The following CDK6 variants were observed in gnomAD, a reference collection of about 807,000 sequenced individuals.
The protein encoded by CDK6 is cyclin dependent kinase 6, also known as cyclin-dependent kinase 6.
CDK6 carries 6 observed loss-of-function variants against 37.1 expected under a neutral mutation model. That is an observed-to-expected ratio of 0.16 (90% CI 0.09 to 0.32). CDK6 has a LOEUF of 0.32. Ranked by LOEUF, CDK6 falls within the 10% of genes least tolerant of loss-of-function variation. The pLI, the probability that CDK6 is intolerant of heterozygous loss-of-function variation, is 1.00. For missense variants in CDK6, 224 were observed against 418.9 expected (o/e 0.53, Z 4.06); for synonymous variants, 160 against 161.3 (o/e 0.99, Z 0.06).
chr7:92,669,807 C>T (rs1296842030), intron 5 of CDK6, among the ~76,000 whole-genome samples: 1 of 152,246 alleles, frequency 6.6e-6, no homozygotes, highest in Non-Finnish European at 1.5e-5. Flanking sequence ...CCTGGTCATA[C>T]TGTCATCCAA....
intron 5 of CDK6, among the ~76,000 whole-genome samples, chr7:92,651,109 C>T (rs1251335239): frequency 2.6e-5 from 4 of 152,232 alleles, no homozygotes; most frequent in Admixed American, 1.3e-4. Flanking sequence ...AGGCTGGTCT[C>T]GATCTCCTGA....
chr7:92,672,160 T>TATATATAC (rs1210519115), intron 4 of CDK6, among the ~76,000 whole-genome samples: 1,782 of 78,994 alleles, frequency 0.023, 115 homozygotes, highest in East Asian at 0.15. Flanking sequence ...TATATATATA[T>TATATATAC]ACACATACAC....
chr7:92,715,428 T>C (rs1189475223), intron 4 of CDK6, among the ~76,000 whole-genome samples: 4 of 152,170 alleles, frequency 2.6e-5, no homozygotes, highest in African/African-American at 7.2e-5. Context: ...CTTTTCTCTT[T>C]TGGATGTTTC....
chr7:92,808,582 C>T (rs181951199), intron 2 of CDK6, among the ~76,000 whole-genome samples: 5 of 152,306 alleles, frequency 3.3e-5, no homozygotes, highest in Admixed American at 3.3e-4. Context: ...TATCTTCTTG[C>T]ATTATTTGCT....
At chr7:92,825,079 T>C (rs769415401) in intron 2 of CDK6, among the ~76,000 whole-genome samples, 8 of 152,110 alleles carry the variant, frequency 5.3e-5, no homozygotes, top group Non-Finnish European at 1.0e-4. Flanking sequence ...CAACTCATAG[T>C]TCATTCTTAT....
intron 7 of CDK6, 99 bp from the exon 8 acceptor site, chr7:92,615,385 C>A: frequency 1.1e-6 from 1 of 942,204 alleles, no homozygotes; most frequent in Non-Finnish European, 1.7e-6. Flanking sequence ...ATGTTAAGCG[C>A]ATCTACAGTG....
chr7:92,721,098 A>G lies in CDK6; in HGVS notation c.537+4528T>C, dbSNP rs117643989. On this transcript the variant is annotated intron_variant, in intron 4 of 7. Transcript: ENST00000424848. ...AAATAACCCATGCCAGGTGTTAAAT[A>G]TAACAGGCCCCACTTCTCTTCACAT... 4.4e-4 allele frequency among the ~76,000 whole-genome samples: 67 copies of G among 152,312 alleles called. 1 individual carries two copies. The East Asian group carries it at 7.9e-3, about 18-fold the overall frequency.
At chr7:92,796,125 T>G (rs1336716264) in intron 2 of CDK6, among the ~76,000 whole-genome samples, 1 of 151,310 alleles carries the variant, frequency 6.6e-6, no homozygotes, top group African/African-American at 2.4e-5. Context: ...AAAAAAAATT[T>G]CACTTAGCAT....
At chr7:92,755,572 AG>A (rs539489797) in intron 3 of CDK6, among the ~76,000 whole-genome samples, 6 of 152,180 alleles carry the variant, frequency 3.9e-5, no homozygotes, top group Non-Finnish European at 8.8e-5. Flanking sequence ...CGCACAAACC[AG>A]GAAGAAAATG....
intron 5 of CDK6, among the ~76,000 whole-genome samples, chr7:92,652,153 T>C (rs1035610167): frequency 2.0e-5 from 3 of 152,260 alleles, no homozygotes; most frequent in African/African-American, 4.8e-5. Flanking sequence ...ATAGATCATC[T>C]TCAAGTAGAG....
chr7:92,790,782 G>C (rs1800261909), intron 2 of CDK6, among the ~76,000 whole-genome samples: 1 of 152,102 alleles, frequency 6.6e-6, no homozygotes, highest in African/African-American at 2.4e-5. Context: ...CATATGTGGA[G>C]GAAAACTTTG....
chr7:92,678,755 G>C (rs551344503), intron 4 of CDK6, among the ~76,000 whole-genome samples: 1 of 152,228 alleles, frequency 6.6e-6, no homozygotes, highest in Non-Finnish European at 1.5e-5. Context: ...GCCCCAGATA[G>C]TCTCTGCCCT....
At chr7:92,808,006 C>G (rs1800771838) in intron 2 of CDK6, among the ~76,000 whole-genome samples, 1 of 152,158 alleles carries the variant, frequency 6.6e-6, no homozygotes, top group Non-Finnish European at 1.5e-5. Context: ...GAGATGGCAA[C>G]TTTCTAATAA....
At chr7:92,673,591 G>A (rs1797137938) in intron 4 of CDK6, among the ~76,000 whole-genome samples, 1 of 152,104 alleles carries the variant, frequency 6.6e-6, no homozygotes, top group Non-Finnish European at 1.5e-5. Context: ...ACCTCCCATA[G>A]AACTTCCATA....
Position 92,609,468 on chromosome 7 carries a change from T to C in CDK6, c.*5672A>G, listed in dbSNP as rs1037498843. Reference sequence around the variant, plus strand: ...AATTAGAGCTTCTTATGAATTTACATTTGTGATTCCACAAATGTTAAAATT... The same window carrying C: ...AATTAGAGCTTCTTATGAATTTACACTTGTGATTCCACAAATGTTAAAATT... On this transcript the variant is annotated 3_prime_UTR_variant, in exon 8 of 8. Coordinates refer to ENST00000424848, the MANE Select transcript of CDK6 (RefSeq NM_001145306.2). 4.4e-6 allele frequency: 1 copy of C among 229,148 alleles called. No homozygotes were observed. The highest frequency in any genetic ancestry group is 2.2e-5 in the African/African-American group (1 of 45,124). The allele number at this position is 229,148 out of a possible 1,614,324, so 14.2% of individuals were successfully genotyped here. A position where few individuals can be genotyped will look rare whatever the true frequency, so the allele number is the denominator to read the frequency against.
intron 3 of CDK6, among the ~76,000 whole-genome samples, chr7:92,735,736 G>A (rs1045639269): frequency 1.3e-5 from 2 of 152,134 alleles, no homozygotes; most frequent in African/African-American, 4.8e-5. Context: ...CTATAGATAT[G>A]CATTAAGATG....
intron 2 of CDK6, among the ~76,000 whole-genome samples, chr7:92,795,588 T>A (rs1800388328): frequency 6.6e-6 from 1 of 152,052 alleles, no homozygotes; most frequent in Non-Finnish European, 1.5e-5. Context: ...TTAAATCACA[T>A]CCTAGATAAG....
chr7:92,679,024 T>C (rs1447703776), intron 4 of CDK6, among the ~76,000 whole-genome samples: 2 of 152,198 alleles, frequency 1.3e-5, no homozygotes, highest in Non-Finnish European at 2.9e-5. Context: ...GGCCTGGGAA[T>C]GGTAATGAAC....
At chr7:92,615,346 T>TA (rs1284890492) in intron 7 of CDK6, 60 bp from the exon 8 acceptor site, 5 of 1,376,168 alleles carry the variant, frequency 3.6e-6, no homozygotes, top group African/African-American at 1.4e-5. Flanking sequence ...ATAATGTACT[T>TA]ACAGAGTTAT....
Sources: allele counts gnomAD v4.1 joint callset (sites outside exome capture counted in the v4.1 genomes callset), GRCh38; gene constraint gnomAD v4.1.1; transcripts MANE v1.5; gene names NCBI Gene and HGNC (gene_info 2026-07-23, HGNC 2026-07-21).